RHOBTB1: variants seen among roughly 807,000 people sequenced by gnomAD.
RHOBTB1 encodes Rho related BTB domain containing 1, also known as rho-related BTB domain-containing protein 1.
Under a neutral mutation model 71.6 loss-of-function variants are expected in RHOBTB1, and 40 were observed. That is an observed-to-expected ratio of 0.56 (90% CI 0.43 to 0.73). The LOEUF is 0.73. RHOBTB1 is among the 30% of genes least tolerant of loss of function. The probability of loss-of-function intolerance (pLI) is 0.00; values close to 1 mark genes in which losing one functional copy is unlikely to be tolerated. For synonymous variants in RHOBTB1, 319 were observed against 334.9 expected (o/e 0.95, Z 0.52); for missense variants, 797 against 894.0 (o/e 0.89, Z 1.38).
intron 2 of RHOBTB1, among the ~76,000 whole-genome samples, chr10:60,922,712 A>G (rs2083638102): frequency 6.6e-6 from 1 of 152,222 alleles, no homozygotes; most frequent in Non-Finnish European, 1.5e-5. Context: ...TGCTGCTATC[A>G]GCATGGAGTG....
chr10:60,912,152 T>C (rs977207234), intron 2 of RHOBTB1, among the ~76,000 whole-genome samples: 2 of 152,158 alleles, frequency 1.3e-5, no homozygotes, highest in African/African-American at 2.4e-5. Flanking sequence ...AATTAACTTA[T>C]ATTTATTTGT....
At chr10:60,920,314 G>C (rs1486909477) in intron 2 of RHOBTB1, among the ~76,000 whole-genome samples, 1 of 152,002 alleles carries the variant, frequency 6.6e-6, no homozygotes, top group East Asian at 1.9e-4. Context: ...GGGGGTCCTT[G>C]AAAAAAACCA....
chr10:60,937,295 T>C (rs749482193), intron 2 of RHOBTB1, among the ~76,000 whole-genome samples: 28 of 152,182 alleles, frequency 1.8e-4, no homozygotes, highest in Non-Finnish European at 3.8e-4. Flanking sequence ...GAAATTGTGG[T>C]GTTTATGCTT....
At chr10:60,946,677 T>TA (rs578108824), upstream of RHOBTB1, among the ~76,000 whole-genome samples, 645 of 152,202 alleles carry the variant, frequency 4.2e-3, 1 homozygote, top group Non-Finnish European at 7.1e-3. Flanking sequence ...AGTTCTAAGT[T>TA]AAAAAAAGTT....
Position 60,888,380 on chromosome 10 carries a change from A to T in RHOBTB1, c.1288T>A (p.Leu430Met), listed in dbSNP as rs753780988. ...TGQLDEKEKD[L>M]VGLAQIAEVL... ...TCTGCGATCTGAGCCAGGCCCACCA[A>T]ATCCTTTTCCTTTTCATCCAGTTGT... Residue 430 changes from leucine (L) to methionine (M), a missense_variant, in exon 6 of 11, where the codon TTG becomes ATG. Leu to Met is a conservative substitution (Grantham distance 15). Around this residue, in one of 2 missense-constraint regions of RHOBTB1, gnomAD observed 658 missense variants for 681.5 expected, o/e 0.97. Coordinates refer to ENST00000337910, the MANE Select transcript of RHOBTB1 (RefSeq NM_014836.5). 6.2e-7 allele frequency: 1 copy of T among 1,614,090 alleles called. No individual in the cohort carries two copies. Among genetic ancestry groups the T allele is most frequent in the South Asian group, 1.1e-5 (1 of 91,072 alleles).
chr10:60,922,759 TAG>T (rs765749631), intron 2 of RHOBTB1, among the ~76,000 whole-genome samples: 2 of 152,202 alleles, frequency 1.3e-5, no homozygotes, highest in African/African-American at 2.4e-5. Flanking sequence ...ATGGACCAGG[TAG>T]AGAGAACAAA....
At chr10:60,895,654 T>G (rs2082129037) in intron 4 of RHOBTB1, among the ~76,000 whole-genome samples, 1 of 152,272 alleles carries the variant, frequency 6.6e-6, no homozygotes, top group Non-Finnish European at 1.5e-5. Context: ...TCCACCCACC[T>G]TGGCCTCCCA....
chr10:60,946,212 G>A (rs1031016279), upstream of RHOBTB1, among the ~76,000 whole-genome samples: 3 of 151,594 alleles, frequency 2.0e-5, no homozygotes, highest in African/African-American at 7.3e-5. Context: ...ACTTCCCTTA[G>A]TATTTTGCAA....
chr10:60,885,235 G>A (rs974122123), intron 7 of RHOBTB1, among the ~76,000 whole-genome samples: 3 of 152,144 alleles, frequency 2.0e-5, no homozygotes, highest in Admixed American at 6.5e-5. Flanking sequence ...TAATTAACCC[G>A]ATTTGATCAT....
At chr10:60,968,699 C>T (rs75636795) in intron 2 of RHOBTB1, among the ~76,000 whole-genome samples, 5 of 152,190 alleles carry the variant, frequency 3.3e-5, no homozygotes, top group East Asian at 3.9e-4. Context: ...GACTGACAGC[C>T]GGGCACCAAA....
intron 2 of RHOBTB1, among the ~76,000 whole-genome samples, chr10:60,951,301 T>C (rs1378210183): frequency 6.6e-6 from 1 of 151,564 alleles, no homozygotes; most frequent in African/African-American, 2.4e-5. Context: ...ATTGTGAGGC[T>C]TTCCTTAATT....
the RHOBTB1 span, among the ~76,000 whole-genome samples, chr10:60,863,643 G>T: frequency 1.3e-5 from 2 of 151,776 alleles, no homozygotes; most frequent in East Asian, 3.9e-4. Context: ...AGTGATTCTC[G>T]TGCCTCAGCC....
chr10:60,861,570 GT>G, the RHOBTB1 span, among the ~76,000 whole-genome samples: 2 of 152,146 alleles, frequency 1.3e-5, no homozygotes, highest in African/African-American at 4.8e-5. Flanking sequence ...CATGCTGAGT[GT>G]TTTTAAGACA....
intron 6 of RHOBTB1, among the ~76,000 whole-genome samples, chr10:60,887,277 T>C (rs577143549): frequency 6.6e-6 from 1 of 152,346 alleles, no homozygotes; most frequent in African/African-American, 2.4e-5. Context: ...ATACTACTCA[T>C]AAGCTTTAAA....
At chr10:60,862,631 C>T in the RHOBTB1 span, among the ~76,000 whole-genome samples, 1 of 140,092 alleles carries the variant, frequency 7.1e-6, no homozygotes, top group East Asian at 2.1e-4. Flanking sequence ...TTCCTTCCTT[C>T]TCTTTTTCCT....
At chr10:60,985,176 A>G (rs1333427185) in intron 2 of RHOBTB1, among the ~76,000 whole-genome samples, 1 of 152,202 alleles carries the variant, frequency 6.6e-6, no homozygotes, top group Non-Finnish European at 1.5e-5. Flanking sequence ...AAACATATGA[A>G]GAAAAATAAA....
chr10:60,978,935 A>C (rs1174250467), intron 2 of RHOBTB1, among the ~76,000 whole-genome samples: 1 of 152,148 alleles, frequency 6.6e-6, no homozygotes, highest in Non-Finnish European at 1.5e-5. Flanking sequence ...TTCTTCTATG[A>C]TATGATAAAT....
chr10:60,862,654 TTTTTC>T, the RHOBTB1 span, among the ~76,000 whole-genome samples: 2 of 149,714 alleles, frequency 1.3e-5, no homozygotes, highest in African/African-American at 5.0e-5. Context: ...CTCCCTTTCT[TTTTTC>T]TTTTTTTCTT....
chr10:60,867,537 T>C (rs1331196793), downstream of RHOBTB1, among the ~76,000 whole-genome samples: 16 of 152,264 alleles, frequency 1.1e-4, no homozygotes. Flanking sequence ...GCTACTGTTG[T>C]TGATAATTCT....
Sources: allele counts gnomAD v4.1 joint callset (sites outside exome capture counted in the v4.1 genomes callset), GRCh38; gene constraint gnomAD v4.1.1; regional missense constraint gnomAD v4.1.1; transcripts MANE v1.5; gene names NCBI Gene and HGNC (gene_info 2026-07-23, HGNC 2026-07-21).